The following SDHA variants were observed in gnomAD, a reference collection of about 807,000 sequenced individuals.
The protein encoded by SDHA is succinate dehydrogenase complex flavoprotein subunit A.
Under a neutral mutation model 78.4 loss-of-function variants are expected in SDHA, and 48 were observed. The observed-to-expected ratio is 0.61, with a 90% CI of 0.49 to 0.78. The LOEUF (loss-of-function observed/expected upper bound fraction) is 0.78. Among genes scored for constraint, SDHA ranks in the 30% least tolerant of loss-of-function variants. The pLI is 0.00. For missense variants in SDHA, 680 were observed against 892.7 expected, an observed-to-expected ratio of 0.76 and a Z score of 3.04; for synonymous variants, 326 against 353.9, an observed-to-expected ratio of 0.92 and a Z score of 0.88.
chr5:233,461 G>A lies in SDHA; in HGVS notation c.896-16G>A, dbSNP rs1040198082. On this transcript the variant is annotated splice_polypyrimidine_tract_variant and intron_variant, in intron 7 of 14. Transcript: ENST00000264932. ...CTAGCAATTGTTAGGTAATAAATATGTGTGGTTTTTTGCAGGCATATATGG... is the reference window on the plus strand; with the variant it reads ...CTAGCAATTGTTAGGTAATAAATATATGTGGTTTTTTGCAGGCATATATGG... The A allele has an allele frequency of 6.2e-7, 1 of 1,613,180 alleles. No homozygotes were observed. Among genetic ancestry groups the A allele is most frequent in the African/African-American group, 1.3e-5 (1 of 75,014 alleles).
In SDHA at chr5:256,713, AT is replaced by A. The variant is rs773796327; in HGVS notation, c.*297del. 3 of 417,328 alleles carry A rather than the reference AT, an allele frequency of 7.2e-6. No individual in the cohort carries two copies. The highest frequency in any genetic ancestry group is 2.0e-5 in the African/African-American group (1 of 50,094). The allele number at this position is 417,328 out of a possible 1,614,324, so 25.9% of individuals were successfully genotyped here. A position where few individuals can be genotyped will look rare whatever the true frequency, so the allele number is the denominator to read the frequency against. On this transcript the variant is annotated 3_prime_UTR_variant, in exon 15 of 15. Transcript: ENST00000264932. ...TTTTATTTCCAAATCCATTTGAAAT[AT>A]TTTACTGTTGTGACTTTAGTCATAT...
chr5:226,091 G>A (rs2126550972), intron 5 of SDHA, 44 bp downstream of exon 5: 1 of 1,608,826 alleles, frequency 6.2e-7, no homozygotes, highest in Admixed American at 1.7e-5. Context: ...CGTAGTGCTG[G>A]GGCTTATGGT....
At position 257,064 on chromosome 5, in the gene SDHA, T is replaced by G. The variant is rs1737253667; in HGVS notation, c.*644T>G. Among the ~76,000 whole-genome samples the G allele has an allele frequency of 6.6e-6, 1 of 152,126 alleles. No individual in the cohort carries two copies. Reference sequence around the variant, plus strand: ...CCTTGGCCTCCCAAGGTGCTGGAATTATAGGTGTGAACAAACCACCATGCC... The same window carrying G: ...CCTTGGCCTCCCAAGGTGCTGGAATGATAGGTGTGAACAAACCACCATGCC... On this transcript the variant is annotated 3_prime_UTR_variant, in exon 15 of 15. Coordinates refer to ENST00000264932, the MANE Select transcript of SDHA (RefSeq NM_004168.4).
chr5:221,004 G>A lies in SDHA; in HGVS notation c.64-2478G>A, dbSNP rs184596148. Among the ~76,000 whole-genome samples, 25 of 152,000 alleles carry A rather than the reference G, an allele frequency of 1.6e-4. No homozygotes were observed. In the East Asian group the frequency reaches 4.6e-3, roughly 28 times the overall value. On this transcript the variant is annotated intron_variant, in intron 1 of 14. Transcript: ENST00000264932. The stretch of plus-strand genomic sequence containing the variant: ...ATTTTTTTGTGTTTTTAGTAGAGAC[G>A]GGGTTTCACCATGTTAGCCAGAATG...
At chr5:238,852 T>C (rs1735950601) in intron 10 of SDHA, among the ~76,000 whole-genome samples, 3 of 151,478 alleles carry the variant, frequency 2.0e-5, no homozygotes, top group Admixed American at 2.0e-4. Context: ...TCCCAGCTAC[T>C]TGGGAGGCTG....
At chr5:223,694 T>A (rs1343405836) in intron 2 of SDHA, 126 bp downstream of exon 2, 3 of 700,566 alleles carry the variant, frequency 4.3e-6, no homozygotes, top group Non-Finnish European at 8.0e-6. Flanking sequence ...ATCCAATGCA[T>A]GCTGAAATTA....
chr5:240,541 G>A (rs771530904), intron 11 of SDHA, 65 bp downstream of exon 11: 3 of 1,089,912 alleles, frequency 2.8e-6, no homozygotes, highest in Non-Finnish European at 4.2e-6. Flanking sequence ...CACTGGTTTT[G>A]TTTTTTAAAA....
intron 6 of SDHA, 121 bp downstream of exon 6, chr5:228,454 T>C (rs536964294): frequency 8.1e-6 from 9 of 1,113,496 alleles, no homozygotes; most frequent in African/African-American, 4.7e-5. Flanking sequence ...GGCCTTGATA[T>C]AACCATGTGA....
At chr5:221,683 A>G (rs1004248471) in intron 1 of SDHA, among the ~76,000 whole-genome samples, 6 of 152,176 alleles carry the variant, frequency 3.9e-5, no homozygotes, top group Non-Finnish European at 5.9e-5. Flanking sequence ...AAAATTAACA[A>G]TTGGCACAAA....
At position 228,182 on chromosome 5, in the gene SDHA, T is replaced by C. The variant is rs1378775170; in HGVS notation, c.622-3T>C. 1 of 1,613,758 alleles carries C rather than the reference T, an allele frequency of 6.2e-7. No homozygotes were observed. The stretch of plus-strand genomic sequence containing the variant: ...CTTGCCCTTTTTTTTTCCTTTCTTT[T>C]AGTCTCTGCGATATGATACCAGCTA... On this transcript the variant is annotated splice_region_variant and splice_polypyrimidine_tract_variant and intron_variant, in intron 5 of 14. Coordinates refer to ENST00000264932, the MANE Select transcript of SDHA (RefSeq NM_004168.4).
intron 5 of SDHA, among the ~76,000 whole-genome samples, chr5:226,928 CA>C (rs554077502): frequency 0.3 from 24,399 of 82,444 alleles, 3,259 homozygotes; most frequent in African/African-American, 0.52. Flanking sequence ...GACTCCATCT[CA>C]AAAAAAAAAA....
chr5:251,673 A>G, intron 13 of SDHA: 3 of 1,508,562 alleles, frequency 2.0e-6, no homozygotes, highest in South Asian at 2.4e-5. Flanking sequence ...TTGGGTCGGC[A>G]TCCACTGATG....
At chr5:258,889 C>T (rs1403341740), downstream of SDHA, among the ~76,000 whole-genome samples, 1 of 55,974 alleles carries the variant, frequency 1.8e-5, no homozygotes, top group East Asian at 2.7e-4. Context: ...TGAGCTCCGC[C>T]CTCCGCCAGA....
At position 235,251 on chromosome 5, in the gene SDHA, CT is replaced by C; in HGVS notation, c.1173del (p.Gly392AlafsTer31). Reference protein sequence around the residue: ...PGISETAMIFAGVDVTKEPIP... With the variant: ...PGISETAMIFXGVDVTKEPIP... ...ATTTCAGAGACAGCCATGATCTTCG[CT>C]GGCGTGGACGTCACGAAGGAGCCGA... On this transcript the variant is annotated frameshift_variant, in exon 9 of 15. Coordinates refer to ENST00000264932, the MANE Select transcript of SDHA (RefSeq NM_004168.4). LOFTEE classifies it high-confidence loss of function. The C allele has an allele frequency of 6.2e-7, 1 of 1,614,066 alleles. No individual in the cohort carries two copies. Among genetic ancestry groups the C allele is most frequent in the South Asian group, 1.1e-5 (1 of 91,082 alleles).
At position 230,935 on chromosome 5, in the gene SDHA, C is replaced by T. The variant is rs367721665; in HGVS notation, c.830C>T (p.Thr277Met). 163 of 1,613,876 alleles carry T rather than the reference C, an allele frequency of 1.0e-4. No homozygotes were observed. The highest frequency in any genetic ancestry group is 1.3e-4 in the Non-Finnish European group (152 of 1,179,890). The change falls in exon 7 of 15, where the codon ACG becomes ATG. Residue 277 changes from threonine (T) to methionine (M), a missense_variant. Physicochemically the swap from Thr to Met is moderately conservative, Grantham distance 81 (BLOSUM62 -1). Coordinates refer to ENST00000264932, the MANE Select transcript of SDHA (RefSeq NM_004168.4). ...GCCCACACCAGCACTGGCGACGGCACGGCCATGATCACCAGGGCAGGCCTT... is the reference window on the plus strand; with the variant it reads ...GCCCACACCAGCACTGGCGACGGCATGGCCATGATCACCAGGGCAGGCCTT... ...TSAHTSTGDG[T>M]AMITRAGLPC...
In SDHA at chr5:257,015, G is replaced by A. The variant is rs1368646386; in HGVS notation, c.*595G>A. Among the ~76,000 whole-genome samples the A allele has an allele frequency of 8.7e-6, 1 of 114,848 alleles. No homozygotes were observed. The highest frequency in any genetic ancestry group is 8.6e-5 in the Admixed American group (1 of 11,674). The allele number at this position is 114,848 out of a possible 152,430, so 75.3% of individuals were successfully genotyped here. A position where few individuals can be genotyped will look rare whatever the true frequency, so the allele number is the denominator to read the frequency against. On this transcript the variant is annotated 3_prime_UTR_variant, in exon 15 of 15. Coordinates refer to ENST00000264932, the MANE Select transcript of SDHA (RefSeq NM_004168.4). ...GGACAGGGTCTCACTGTGTTGCCTAGGCTGGTCTCAAGTGATCCTCCCTCC... is the reference window on the plus strand; with the variant it reads ...GGACAGGGTCTCACTGTGTTGCCTAAGCTGGTCTCAAGTGATCCTCCCTCC...
At chr5:219,730 A>G (rs1376116651) in intron 1 of SDHA, among the ~76,000 whole-genome samples, 5 of 152,182 alleles carry the variant, frequency 3.3e-5, no homozygotes, top group African/African-American at 1.2e-4. Context: ...TTTAGGGGAA[A>G]TGGTAGCTTG....
intron 8 of SDHA, 115 bp from the exon 9 acceptor site, chr5:235,029 A>C: frequency 9.5e-7 from 1 of 1,053,298 alleles, no homozygotes; most frequent in Non-Finnish European, 1.5e-6. Flanking sequence ...ACATGAGGGG[A>C]AATTTTCCTC....
At chr5:224,712 A>C (rs1464152741) in intron 3 of SDHA, 191 bp downstream of exon 3, 7 of 620,840 alleles carry the variant, frequency 1.1e-5, no homozygotes, top group Non-Finnish European at 2.0e-5. Context: ...AGGGCGGGAG[A>C]CTTGTTGTCA....
Sources: allele counts gnomAD v4.1 joint callset (sites outside exome capture counted in the v4.1 genomes callset), GRCh38; gene constraint gnomAD v4.1.1; transcripts MANE v1.5; gene names NCBI Gene and HGNC (gene_info 2026-07-23, HGNC 2026-07-21).